FGGY: variants seen among roughly 807,000 people sequenced by gnomAD.
The protein encoded by FGGY is FGGY carbohydrate kinase domain containing.
FGGY carries 72 observed loss-of-function variants against 71.3 expected under a neutral mutation model. The ratio of observed to expected loss-of-function variants is 1.01; its 90% CI spans 0.84 to 1.23. The LOEUF (loss-of-function observed/expected upper bound fraction) is 1.23. FGGY is among the 50% of genes most tolerant of loss of function. The pLI is 0.00. For missense variants in FGGY, 668 were observed against 682.3 expected, an observed-to-expected ratio of 0.98 and a Z score of 0.23; for synonymous variants, 251 against 250.3, an observed-to-expected ratio of 1.00 and a Z score of -0.02.
chr1:59,467,298 C>T (rs987375123), intron 6 of FGGY, among the ~76,000 whole-genome samples: 2 of 151,628 alleles, frequency 1.3e-5, no homozygotes, highest in East Asian at 1.9e-4. Context: ...GGGAATTGAA[C>T]GATGAGAACA....
chr1:59,470,733 G>A (rs987069730), intron 6 of FGGY, among the ~76,000 whole-genome samples: 3 of 152,174 alleles, frequency 2.0e-5, no homozygotes, highest in Non-Finnish European at 4.4e-5. Context: ...AGTTGTGGGT[G>A]TTGTAAAATC....
At chr1:59,468,798 G>C (rs970206219) in intron 6 of FGGY, among the ~76,000 whole-genome samples, 1 of 151,706 alleles carries the variant, frequency 6.6e-6, no homozygotes, top group African/African-American at 2.4e-5. Context: ...CGTGAACATG[G>C]GAGGCGGAGC....
intron 6 of FGGY, among the ~76,000 whole-genome samples, chr1:59,508,131 C>A (rs958660413): frequency 3.3e-5 from 5 of 152,204 alleles, no homozygotes; most frequent in African/African-American, 9.7e-5. Context: ...TGAAAGTCAT[C>A]TTCACCTTGA....
chr1:59,362,305 G>A (rs2055715200), intron 4 of FGGY, among the ~76,000 whole-genome samples: 1 of 151,736 alleles, frequency 6.6e-6, no homozygotes, highest in Admixed American at 6.6e-5. Flanking sequence ...CTCTGTGTCA[G>A]AAATGTATAC....
At chr1:59,472,292 A>G (rs1020834319) in intron 6 of FGGY, among the ~76,000 whole-genome samples, 2 of 152,146 alleles carry the variant, frequency 1.3e-5, no homozygotes, top group Non-Finnish European at 2.9e-5. Flanking sequence ...GCTGTGCTCA[A>G]TTTCTCGAGG....
At chr1:59,719,312 A>G (rs1022322305) in intron 14 of FGGY, among the ~76,000 whole-genome samples, 1 of 152,194 alleles carries the variant, frequency 6.6e-6, no homozygotes, top group Non-Finnish European at 1.5e-5. Context: ...AGTTAAGAGC[A>G]TGGCCTCTGG....
In FGGY at chr1:59,674,036, C is replaced by T. The variant is rs770023444; in HGVS notation, c.1418-3C>T. On this transcript the variant is annotated splice_polypyrimidine_tract_variant and splice_region_variant and intron_variant, in intron 13 of 15. Transcript: ENST00000303721. ...AACCAAGGTGTGGCCTTGTCCTGCGCAGGCATGCCTGTGGTCCTGTCGCAA... is the reference window on the plus strand; with the variant it reads ...AACCAAGGTGTGGCCTTGTCCTGCGTAGGCATGCCTGTGGTCCTGTCGCAA... 10 of 1,613,034 alleles carry T rather than the reference C, an allele frequency of 6.2e-6. No individual in the cohort carries two copies. The South Asian group carries it at 6.6e-5, about 11-fold the overall frequency.
chr1:59,424,460 TCGCTTGAACC>T (rs1448259459), intron 5 of FGGY, among the ~76,000 whole-genome samples: 4 of 152,254 alleles, frequency 2.6e-5, no homozygotes, highest in Admixed American at 2.6e-4. Context: ...GGCAGGAGAA[TCGCTTGAACC>T]CGAGAGGCAG....
At chr1:59,555,441 A>G (rs896327174) in intron 8 of FGGY, among the ~76,000 whole-genome samples, 4 of 152,196 alleles carry the variant, frequency 2.6e-5, no homozygotes, top group Non-Finnish European at 1.5e-5. Flanking sequence ...GTAGAGAGTG[A>G]CAGCACCTGT....
At chr1:59,566,302 G>C (rs910173477) in intron 8 of FGGY, among the ~76,000 whole-genome samples, 2 of 152,144 alleles carry the variant, frequency 1.3e-5, no homozygotes, top group Admixed American at 1.3e-4. Context: ...CATACATTTA[G>C]TTCAGAGGCT....
chr1:59,659,854 A>G (rs2097258334), intron 11 of FGGY, among the ~76,000 whole-genome samples: 2 of 152,254 alleles, frequency 1.3e-5, no homozygotes, highest in Admixed American at 6.5e-5. Context: ...TTGTACTAGA[A>G]TGCCACTGTT....
chr1:59,638,201 T>G, intron 10 of FGGY, 27 bp from the exon 11 acceptor site: 1 of 1,607,858 alleles, frequency 6.2e-7, no homozygotes, highest in Non-Finnish European at 8.5e-7. Flanking sequence ...ATCCCCCCTT[T>G]AAAAATAAAA....
At chr1:59,660,509 G>T in intron 12 of FGGY, 1 of 394,908 alleles carries the variant, frequency 2.5e-6, no homozygotes, top group Non-Finnish European at 4.5e-6. Flanking sequence ...GCTGAAAGGA[G>T]TTAAAATCTG....
chr1:59,464,216 C>T (rs544333083), intron 6 of FGGY, among the ~76,000 whole-genome samples: 2 of 152,322 alleles, frequency 1.3e-5, no homozygotes, highest in East Asian at 3.9e-4. Flanking sequence ...GAAACTCACT[C>T]AAAACTGCAC....
At chr1:59,626,826 G>A (rs962328113) in intron 10 of FGGY, 17 of 151,882 alleles carry the variant, frequency 1.1e-4, no homozygotes, top group African/African-American at 3.9e-4. Context: ...CTGCACTCCA[G>A]CCTGGGCAAT....
At chr1:59,693,217 G>A (rs973279485) in intron 14 of FGGY, among the ~76,000 whole-genome samples, 1 of 152,232 alleles carries the variant, frequency 6.6e-6, no homozygotes, top group Non-Finnish European at 1.5e-5. Context: ...GCTAGAAAGA[G>A]TTTGCATTGG....
At chr1:59,627,019 A>G (rs946433861) in intron 10 of FGGY, among the ~76,000 whole-genome samples, 1 of 152,164 alleles carries the variant, frequency 6.6e-6, no homozygotes, top group Non-Finnish European at 1.5e-5. Flanking sequence ...TATAACTCTT[A>G]GAATTATTGT....
chr1:59,446,772 C>T (rs563953096), intron 5 of FGGY, among the ~76,000 whole-genome samples: 2 of 152,300 alleles, frequency 1.3e-5, no homozygotes, highest in South Asian at 2.1e-4. Flanking sequence ...CTGGCTGGTT[C>T]GATTGAGACT....
At chr1:59,538,432 G>A (rs1386312057) in intron 7 of FGGY, among the ~76,000 whole-genome samples, 7 of 152,026 alleles carry the variant, frequency 4.6e-5, no homozygotes, top group South Asian at 2.1e-4. Context: ...GGAAGTCAGC[G>A]TGGCGATTCC....
Sources: allele counts gnomAD v4.1 joint callset (sites outside exome capture counted in the v4.1 genomes callset), GRCh38; gene constraint gnomAD v4.1.1; transcripts MANE v1.5; gene names NCBI Gene and HGNC (gene_info 2026-07-23, HGNC 2026-07-21).